Variants in WEE2 observed in about 807,000 individuals in gnomAD.
WEE2 encodes the protein WEE2 oocyte meiosis inhibiting kinase.
A neutral mutation model predicts 60.1 loss-of-function variants in WEE2; 50 were observed. That is an observed-to-expected ratio of 0.83 (90% CI 0.66 to 1.05). The LOEUF is 1.05. WEE2 is among the 50% of genes least tolerant of loss of function. WEE2 has a pLI of 0.00. For missense variants in WEE2, 631 were observed against 684.3 expected, an observed-to-expected ratio of 0.92 and a Z score of 0.87; for synonymous variants, 240 against 241.0, an observed-to-expected ratio of 1.00 and a Z score of 0.04.
intron 3 of WEE2, among the ~76,000 whole-genome samples, chr7:141,717,875 C>T (rs1451111037): frequency 3.3e-5 from 5 of 151,948 alleles, no homozygotes; most frequent in Non-Finnish European, 7.4e-5. Flanking sequence ...TCATTGGTAT[C>T]TAGGGGGAGG....
chr7:141,711,159 G>A lies in WEE2; in HGVS notation c.342+2059G>A, dbSNP rs560256659. 1.4e-3 allele frequency among the ~76,000 whole-genome samples: 209 copies of A among 152,072 alleles called. No homozygotes were observed. The highest frequency in any genetic ancestry group is 1.8e-3 in the Non-Finnish European group (124 of 68,018). On this transcript the variant is annotated intron_variant, in intron 1 of 11. Transcript: ENST00000397541. The surrounding 1 kb of genome is among the most constrained non-coding windows in gnomAD (Gnocchi z 4.2). ...TGGGTTTGGAGAAAAGCAGAGATGT[G>A]GTATAAAAAGTTGGATAACTGGGTA...
chr7:141,723,017 A>G (rs116247298), intron 5 of WEE2, 117 bp from the exon 6 acceptor site: 1 of 1,337,188 alleles, frequency 7.5e-7, no homozygotes, highest in African/African-American at 1.5e-5. Context: ...TGGGGCTTTG[A>G]TATCTGCAGG....
intron 3 of WEE2, 101 bp downstream of exon 3, chr7:141,716,368 T>C: frequency 9.1e-7 from 1 of 1,094,176 alleles, no homozygotes; most frequent in Non-Finnish European, 1.3e-6. Context: ...CCCTCCTCCC[T>C]TCTTCCCTAC....
chr7:141,719,282 G>T, intron 4 of WEE2, 38 bp downstream of exon 4: 1 of 1,516,264 alleles, frequency 6.6e-7, no homozygotes, highest in Non-Finnish European at 8.9e-7. Context: ...TATAAACTTA[G>T]ATTTGGAGAG....
chr7:141,709,098 A>G lies in WEE2; in HGVS notation c.340A>G (p.Lys114Glu), dbSNP rs777091448. ...LLPSDSPSTP[K>E]TMLSRLVISP... ...GCCCAGTGACAGCCCCTCTACTCCCAAAGTAAGTAAGGGGTGGGGGAAAAA... is the reference window on the plus strand; with the variant it reads ...GCCCAGTGACAGCCCCTCTACTCCCGAAGTAAGTAAGGGGTGGGGGAAAAA... Residue 114 changes from lysine to glutamate, a missense_variant and splice_region_variant, in exon 1 of 12, where the codon AAA (lysine) becomes GAA (glutamate). Coordinates refer to ENST00000397541, the MANE Select transcript of WEE2 (RefSeq NM_001105558.1). The G allele has an allele frequency of 4.2e-5, 67 of 1,611,360 alleles. No homozygotes were observed. The highest frequency in any genetic ancestry group is 5.4e-5 in the Non-Finnish European group (64 of 1,178,228).
rs757174778 is a variant in WEE2, at chr7:141,727,294, A to G, written c.1393-10A>G. On this transcript the variant is annotated splice_polypyrimidine_tract_variant and intron_variant, in intron 9 of 11. Coordinates refer to ENST00000397541, the MANE Select transcript of WEE2 (RefSeq NM_001105558.1). ...CTTCTGTTTCTTTCCTCTTGGTCCT[A>G]TATCATCAGAACATGATCCAACCTG... The G allele has an allele frequency of 8.7e-6, 14 of 1,611,960 alleles. No homozygotes were observed. The highest frequency in any genetic ancestry group is 2.2e-5 in the East Asian group (1 of 44,882).
At chr7:141,726,624 G>C (rs1177311653) in intron 9 of WEE2, among the ~76,000 whole-genome samples, 1 of 152,092 alleles carries the variant, frequency 6.6e-6, no homozygotes, top group Non-Finnish European at 1.5e-5. Flanking sequence ...CCCTGTACTA[G>C]ATAAGACATA....
chr7:141,714,410 G>C lies in WEE2; in HGVS notation c.539+5G>C. The C allele has an allele frequency of 1.2e-6, 2 of 1,604,678 alleles. No individual in the cohort carries two copies. Among genetic ancestry groups the C allele is most frequent in the Non-Finnish European group, 1.7e-6 (2 of 1,175,526 alleles). The stretch of plus-strand genomic sequence containing the variant: ...GAGGAAAATAAGAGGAGATCTGTAA[G>C]TGCTCTATTACTTATGACTTTTGAG... On this transcript the variant is annotated splice_donor_5th_base_variant and intron_variant, in intron 2 of 11. Transcript: ENST00000397541.
rs761375548 is a variant in WEE2, at chr7:141,714,354, AT to A, written c.489del (p.Tyr163Ter). 3 of 1,612,882 alleles carry A rather than the reference AT, an allele frequency of 1.9e-6. No homozygotes were observed. The Admixed American group carries it at 5.0e-5, about 27-fold the overall frequency. On this transcript the variant is annotated frameshift_variant, in exon 2 of 12. Transcript: ENST00000397541. LOFTEE classifies it high-confidence loss of function. Reference protein sequence around the residue: ...VNINPFTPESYKKLFLQSGGK... With the variant: ...VNINPFTPESXKKLFLQSGGK... ...ATTAATCCCTTCACTCCAGAGTCCT[AT>A]AAAAAATTATTTCTTCAATCTGGTG...
At chr7:141,719,761 G>GTGTTT (rs1227202757) in intron 4 of WEE2, among the ~76,000 whole-genome samples, 7 of 152,076 alleles carry the variant, frequency 4.6e-5, no homozygotes, top group Admixed American at 3.3e-4. Context: ...TCATGATGTG[G>GTGTTT]TGTTTTGTTT....
At chr7:141,721,083 C>A in intron 5 of WEE2, 27 bp downstream of exon 5, 1 of 1,612,836 alleles carries the variant, frequency 6.2e-7, no homozygotes. Flanking sequence ...TGAATAACTA[C>A]GAAGAGGGAG....
At chr7:141,726,340 G>A (rs1001142813) in intron 9 of WEE2, among the ~76,000 whole-genome samples, 1 of 151,996 alleles carries the variant, frequency 6.6e-6, no homozygotes, top group Admixed American at 6.6e-5. Context: ...GAGTGCAGTG[G>A]CACAATCATA....
At chr7:141,709,137 C>A in intron 1 of WEE2, 37 bp downstream of exon 1, 1 of 1,566,998 alleles carries the variant, frequency 6.4e-7, no homozygotes, top group Non-Finnish European at 8.7e-7. Flanking sequence ...ACGCAGGTCG[C>A]CAAGCTCTGC....
chr7:141,724,768 T>G (rs1013449985), intron 8 of WEE2, among the ~76,000 whole-genome samples: 29 of 152,210 alleles, frequency 1.9e-4, no homozygotes, highest in African/African-American at 7.0e-4. Flanking sequence ...AGCCAAGTTA[T>G]GTAGCAAGCC....
At chr7:141,727,075 C>A in intron 9 of WEE2, 1 of 445,510 alleles carries the variant, frequency 2.2e-6, no homozygotes, top group East Asian at 3.3e-5. Context: ...CCAGCCAGCT[C>A]CAAAATATGA....
Position 141,719,554 on chromosome 7 carries a change from G to A in WEE2, c.758+310G>A, listed in dbSNP as rs565963891. 2.6e-5 allele frequency among the ~76,000 whole-genome samples: 4 copies of A among 152,262 alleles called. No homozygotes were observed. The East Asian group carries it at 7.7e-4, about 29-fold the overall frequency. On this transcript the variant is annotated intron_variant, in intron 4 of 11. Transcript: ENST00000397541. The stretch of plus-strand genomic sequence containing the variant: ...CAATCTCCACCTCCTGGGTTCAAGT[G>A]ATTCTCCTGCTTCAGCCTCCTGAGT...
chr7:141,722,330 G>C (rs952779155), intron 5 of WEE2, among the ~76,000 whole-genome samples: 3 of 152,106 alleles, frequency 2.0e-5, no homozygotes, highest in Non-Finnish European at 4.4e-5. Flanking sequence ...GCTTGAACCC[G>C]GGAGGCGGAG....
intron 4 of WEE2, 124 bp downstream of exon 4, chr7:141,719,368 A>G (rs75737777): frequency 1.1e-6 from 1 of 891,528 alleles, no homozygotes; most frequent in East Asian, 2.6e-5. Flanking sequence ...ATCACCCCAC[A>G]TTATATGTTA....
Position 141,720,969 on chromosome 7 carries a change from G to A in WEE2, c.793G>A (p.Val265Met). The A allele has an allele frequency of 6.2e-7, 1 of 1,614,082 alleles. No homozygotes were observed. The highest frequency in any genetic ancestry group is 8.5e-7 in the Non-Finnish European group (1 of 1,179,936). The change falls in exon 5 of 12, where the codon GTG becomes ATG. Residue 265 changes from valine (V) to methionine (M), a missense_variant. By Grantham distance (21) the Val-to-Met change is conservative. Coordinates refer to ENST00000397541, the MANE Select transcript of WEE2 (RefSeq NM_001105558.1). ...TTTGCATGAAGTTTATGCTCACGCA[G>A]TGCTTGGGCATCACCCCCATGTGGT... ...SALHEVYAHA[V>M]LGHHPHVVRY...
Sources: allele counts gnomAD v4.1 joint callset (sites outside exome capture counted in the v4.1 genomes callset), GRCh38; gene constraint gnomAD v4.1.1; non-coding constraint Gnocchi (gnomAD v3.1); transcripts MANE v1.5; gene names NCBI Gene and HGNC (gene_info 2026-07-23, HGNC 2026-07-21).